Variants in BCR observed in about 807,000 individuals in gnomAD.
The protein encoded by BCR is breakpoint cluster region protein.
A neutral mutation model predicts 138.6 loss-of-function variants in BCR; 58 were observed. The observed-to-expected ratio is 0.42, with a 90% CI of 0.34 to 0.52. The LOEUF (loss-of-function observed/expected upper bound fraction) is 0.52. Ranked by LOEUF, BCR falls within the 20% of genes least tolerant of loss-of-function variation. The pLI is 0.06. For missense variants in BCR, 1,599 were observed against 1,727.2 expected, an observed-to-expected ratio of 0.93 and a Z score of 1.32; for synonymous variants, 786 against 730.1, an observed-to-expected ratio of 1.08 and a Z score of -1.23.
chr22:23,239,102 C>G (rs1694629031), intron 1 of BCR, among the ~76,000 whole-genome samples: 1 of 152,254 alleles, frequency 6.6e-6, no homozygotes, highest in Admixed American at 6.5e-5. Flanking sequence ...CCTCAGTTTC[C>G]TTATCTGCAT....
intron 13 of BCR, 172 bp downstream of exon 13, chr22:23,289,793 G>T (rs1361716386): frequency 6.3e-6 from 4 of 637,258 alleles, no homozygotes; most frequent in Non-Finnish European, 1.1e-5. Context: ...TGGACAAGGT[G>T]GGTTAGGAGC....
At chr22:23,263,240 G>A in intron 4 of BCR, 1 of 1,035,400 alleles carries the variant, frequency 9.7e-7, no homozygotes, top group East Asian at 2.5e-5. Context: ...TGCTGCTGCT[G>A]CACATGTGCT....
At chr22:23,264,327 A>T (rs1271399916) in intron 4 of BCR, 17 of 989,392 alleles carry the variant, frequency 1.7e-5, no homozygotes, top group Non-Finnish European at 2.6e-5. Context: ...GCTGTCTTAC[A>T]ACCTCCACGT....
intron 3 of BCR, 69 bp downstream of exon 3, chr22:23,261,123 C>T: frequency 6.8e-7 from 1 of 1,471,194 alleles, no homozygotes; most frequent in African/African-American, 1.4e-5. Context: ...AGCCTCTTTG[C>T]CCTTAAGTCC....
At chr22:23,243,238 C>CCA (rs1568950892) in intron 1 of BCR, among the ~76,000 whole-genome samples, 6 of 152,008 alleles carry the variant, frequency 3.9e-5, no homozygotes, top group African/African-American at 1.5e-4. Context: ...AGCTGTGGGA[C>CCA]GGGGCTGGTT....
chr22:23,180,622 GAAGC>G lies in BCR; in HGVS notation c.-338_-335del, dbSNP rs1453827306. ...GGCGGCGGGGCTGTGGGGCGGTGCG[GAAGC>G]GAGAGGCGAGGAGCGCGCGGGCCGT... On this transcript the variant is annotated 5_prime_UTR_variant, in exon 1 of 23. Coordinates refer to ENST00000305877, the MANE Select transcript of BCR (RefSeq NM_004327.4). The G allele has an allele frequency of 8.6e-5, 15 of 174,922 alleles. No homozygotes were observed. 10.8% of individuals were successfully genotyped at this position (174,922 alleles called of 1,614,324 possible). A position where few individuals can be genotyped will look rare whatever the true frequency, so the allele number is the denominator to read the frequency against.
intron 8 of BCR, among the ~76,000 whole-genome samples, chr22:23,282,366 C>T (rs1182338892): frequency 6.6e-6 from 1 of 152,242 alleles, no homozygotes; most frequent in Non-Finnish European, 1.5e-5. Flanking sequence ...ATGGCCTTGG[C>T]ACGCCGGCAG....
intron 1 of BCR, among the ~76,000 whole-genome samples, chr22:23,217,320 G>T (rs1293081261): frequency 6.6e-6 from 1 of 152,246 alleles, no homozygotes; most frequent in Non-Finnish European, 1.5e-5. Context: ...CCATAAACTT[G>T]CAGGCTCGGC....
intron 1 of BCR, among the ~76,000 whole-genome samples, chr22:23,238,836 G>A (rs955922438): frequency 6.6e-6 from 1 of 151,342 alleles, no homozygotes; most frequent in Non-Finnish European, 1.5e-5. Flanking sequence ...AACACGAGTG[G>A]TTTTTGTGTG....
At chr22:23,284,956 T>G in intron 9 of BCR, 77 bp from the exon 10 acceptor site, 2 of 1,502,958 alleles carry the variant, frequency 1.3e-6, no homozygotes, top group Non-Finnish European at 1.8e-6. Context: ...ACACTGGCTC[T>G]TGGGCTCTTG....
chr22:23,238,802 C>G lies in BCR; in HGVS notation c.1280-14997C>G, dbSNP rs79331359. Among the ~76,000 whole-genome samples, 1,071 of 151,982 alleles carry G rather than the reference C, an allele frequency of 7.0e-3. 15 individuals carry two copies. The highest frequency in any genetic ancestry group is 0.024 in the African/African-American group (1,009 of 41,426). On this transcript the variant is annotated intron_variant, in intron 1 of 22. Coordinates refer to ENST00000305877, the MANE Select transcript of BCR (RefSeq NM_004327.4). ...GACTACCCCCAGGACTGACCCAGAG[C>G]TATACCCCTCCAGGGCCGGTGGGAA... is the stretch of plus-strand genomic sequence containing the variant.
chr22:23,217,655 A>G (rs746498621), intron 1 of BCR, among the ~76,000 whole-genome samples: 12 of 152,216 alleles, frequency 7.9e-5, no homozygotes, highest in African/African-American at 1.2e-4. Flanking sequence ...GGAATTGTCA[A>G]TCCTTCAGGC....
intron 1 of BCR, among the ~76,000 whole-genome samples, chr22:23,219,021 G>T (rs959982969): frequency 0.031 from 4 of 130 alleles, no homozygotes; most frequent in African/African-American, 0.1. Context: ...GAGAAGGCCT[G>T]CGCTTCCAGC....
rs1156270335 is a variant in BCR, at chr22:23,181,423, A to G, written c.463A>G (p.Arg155Gly). ...ACCCCCCGCCAGCGTGGCGGCGCTC[A>G]GGTCCAACTTCGAGCGGATCCGCAA... ...RGPPASVAALRSNFERIRKGH... is the reference protein window; with the variant it reads ...RGPPASVAALGSNFERIRKGH... The change falls in exon 1 of 23, where the codon AGG (arginine) becomes GGG (glycine). Residue 155 changes from arginine (R) to glycine (G), a missense_variant. Arg to Gly is a moderately radical substitution (Grantham distance 125, BLOSUM62 -2). Transcript: ENST00000305877. The G allele has an allele frequency of 2.5e-6, 4 of 1,584,024 alleles. No individual in the cohort carries two copies. The highest frequency in any genetic ancestry group is 3.5e-5 in the Admixed American group (2 of 57,010).
At chr22:23,264,201 G>A (rs1033105192) in intron 4 of BCR, 68 of 1,212,646 alleles carry the variant, frequency 5.6e-5, no homozygotes, top group Admixed American at 1.0e-4. Flanking sequence ...CTATAGCGTT[G>A]TACGGCTGTG....
intron 1 of BCR, among the ~76,000 whole-genome samples, chr22:23,210,381 T>C (rs1206793254): frequency 1.3e-5 from 2 of 149,996 alleles, no homozygotes; most frequent in Non-Finnish European, 3.0e-5. Context: ...TGTGCCACTG[T>C]ACTCCAGCCT....
At chr22:23,247,922 C>A (rs914726019) in intron 1 of BCR, among the ~76,000 whole-genome samples, 2 of 152,172 alleles carry the variant, frequency 1.3e-5, no homozygotes, top group African/African-American at 4.8e-5. Flanking sequence ...AATGATGTTC[C>A]ATTGCGTGTA....
chr22:23,279,922 G>C (rs1399830114), intron 8 of BCR, among the ~76,000 whole-genome samples: 1 of 152,232 alleles, frequency 6.6e-6, no homozygotes, highest in African/African-American at 2.4e-5. Flanking sequence ...GTCAGGTTCT[G>C]ATGAGGGCAG....
At chr22:23,295,296 G>A (rs545891730) in intron 16 of BCR, 141 bp downstream of exon 16, 43 of 1,107,920 alleles carry the variant, frequency 3.9e-5, no homozygotes, top group Non-Finnish European at 5.2e-5. Context: ...ATCCATCGTG[G>A]GAGACCTGAG....
Sources: allele counts gnomAD v4.1 joint callset (sites outside exome capture counted in the v4.1 genomes callset), GRCh38; gene constraint gnomAD v4.1.1; transcripts MANE v1.5; gene names NCBI Gene and HGNC (gene_info 2026-07-23, HGNC 2026-07-21).